The following LUC7L2 variants were observed in gnomAD, a reference collection of about 807,000 sequenced individuals.
The protein encoded by LUC7L2 is putative RNA-binding protein Luc7-like 2.
In LUC7L2, 25 loss-of-function variants were observed where a neutral mutation model predicts 52.8. The ratio of observed to expected loss-of-function variants is 0.47; its 90% CI spans 0.34 to 0.66. The LOEUF is 0.66. LUC7L2 is among the 30% of genes least tolerant of loss of function. LUC7L2 has a pLI of 0.01. For synonymous variants in LUC7L2, 144 were observed against 160.9 expected (o/e 0.89, Z 0.80); for missense variants, 328 against 497.8 (o/e 0.66, Z 3.25).
chr7:139,381,534 C>T (rs1180871691), intron 2 of LUC7L2, among the ~76,000 whole-genome samples: 3 of 151,472 alleles, frequency 2.0e-5, no homozygotes, highest in Non-Finnish European at 4.4e-5. Flanking sequence ...CTCAGCCTCC[C>T]GAGTAGCTGG....
chr7:139,385,394 C>A (rs1794149802), intron 2 of LUC7L2, among the ~76,000 whole-genome samples: 1 of 149,574 alleles, frequency 6.7e-6, no homozygotes, highest in African/African-American at 2.5e-5. Flanking sequence ...ATAATCGTAG[C>A]CAGTGCAGTC....
upstream of LUC7L2, among the ~76,000 whole-genome samples, chr7:139,355,310 G>A (rs571080881): frequency 6.6e-6 from 1 of 151,880 alleles, no homozygotes; most frequent in African/African-American, 2.4e-5. Flanking sequence ...AGGAAGACAG[G>A]ATTATATCCT....
chr7:139,418,410 G>C (rs868435144), intron 9 of LUC7L2, among the ~76,000 whole-genome samples: 2 of 152,216 alleles, frequency 1.3e-5, no homozygotes, highest in African/African-American at 4.8e-5. Flanking sequence ...CAGGTCACAT[G>C]ATGGCCCTTA....
At chr7:139,362,619 G>C (rs2131180942) in intron 1 of LUC7L2, among the ~76,000 whole-genome samples, 1 of 135,734 alleles carries the variant, frequency 7.4e-6, no homozygotes, top group East Asian at 2.1e-4. Context: ...AGGCAACTCT[G>C]TCCTTTTTTT....
chr7:139,422,026 C>T, intron 9 of LUC7L2, 137 bp from the exon 10 acceptor site: 3 of 1,348,768 alleles, frequency 2.2e-6, no homozygotes, highest in Non-Finnish European at 2.9e-6. Flanking sequence ...TGTAATTTGT[C>T]AGAAAACTGA....
chr7:139,410,162 C>T (rs1328873366), intron 7 of LUC7L2, among the ~76,000 whole-genome samples: 2 of 151,272 alleles, frequency 1.3e-5, no homozygotes, highest in African/African-American at 2.4e-5. Context: ...GAGCTGAGAT[C>T]GGGCCACTGC....
intron 2 of LUC7L2, among the ~76,000 whole-genome samples, chr7:139,387,633 C>CA (rs1201171979): frequency 6.6e-6 from 1 of 152,140 alleles, no homozygotes; most frequent in African/African-American, 2.4e-5. Context: ...ATCAACTTGC[C>CA]ATTTTGTTCC....
intron 1 of LUC7L2, among the ~76,000 whole-genome samples, chr7:139,368,279 T>C (rs1396998408): frequency 6.6e-6 from 1 of 152,172 alleles, no homozygotes; most frequent in East Asian, 1.9e-4. Flanking sequence ...AAAAATCTAA[T>C]GGGAATGAAG....
chr7:139,376,356 A>C (rs1028828650), intron 2 of LUC7L2, among the ~76,000 whole-genome samples, 200 bp downstream of exon 2: 1 of 152,180 alleles, frequency 6.6e-6, no homozygotes, highest in Non-Finnish European at 1.5e-5. Context: ...TTGTTTTATA[A>C]TTTTTTCCAT....
chr7:139,382,668 C>T (rs1801098485), intron 2 of LUC7L2, among the ~76,000 whole-genome samples: 1 of 152,182 alleles, frequency 6.6e-6, no homozygotes, highest in Admixed American at 6.5e-5. Context: ...GCTGGGATTA[C>T]AGGAATTTGG....
intron 6 of LUC7L2, among the ~76,000 whole-genome samples, chr7:139,408,436 G>A (rs1004092682): frequency 6.6e-6 from 1 of 152,012 alleles, no homozygotes; most frequent in African/African-American, 2.4e-5. Context: ...GAAATCACAG[G>A]GCATGGGAAC....
chr7:139,347,219 A>G (rs1288859651), intron 1 of LUC7L2, among the ~76,000 whole-genome samples: 1 of 152,196 alleles, frequency 6.6e-6, no homozygotes, highest in Non-Finnish European at 1.5e-5. Context: ...TGACTTACAC[A>G]TTGCATGTAT....
At chr7:139,384,267 C>T (rs1190142271) in intron 2 of LUC7L2, among the ~76,000 whole-genome samples, 1 of 151,966 alleles carries the variant, frequency 6.6e-6, no homozygotes, top group African/African-American at 2.4e-5. Context: ...TGATTATTGG[C>T]TTGATATTTA....
At chr7:139,376,724 G>T (rs759209179) in intron 2 of LUC7L2, among the ~76,000 whole-genome samples, 1 of 152,156 alleles carries the variant, frequency 6.6e-6, no homozygotes, top group Non-Finnish European at 1.5e-5. Flanking sequence ...CATGATGATG[G>T]ACCTGTTGGA....
intron 2 of LUC7L2, among the ~76,000 whole-genome samples, chr7:139,380,424 C>T (rs1402180769): frequency 4.0e-5 from 6 of 151,806 alleles, no homozygotes; most frequent in Non-Finnish European, 8.8e-5. Context: ...ATGTTGAAAT[C>T]CTGTCTCTGC....
intron 3 of LUC7L2, among the ~76,000 whole-genome samples, chr7:139,401,397 G>A (rs970015748): frequency 1.3e-5 from 2 of 152,088 alleles, no homozygotes; most frequent in Admixed American, 1.3e-4. Context: ...GGATCTTACT[G>A]CATAACATTT....
chr7:139,367,096 C>T (rs1005149548), intron 1 of LUC7L2, among the ~76,000 whole-genome samples: 2 of 152,048 alleles, frequency 1.3e-5, no homozygotes, highest in Non-Finnish European at 1.5e-5. Flanking sequence ...CCTAGCTTCC[C>T]GAGTGGCTGA....
intron 9 of LUC7L2, among the ~76,000 whole-genome samples, chr7:139,420,190 G>A (rs1355008365): frequency 6.6e-6 from 1 of 152,098 alleles, no homozygotes; most frequent in African/African-American, 2.4e-5. Flanking sequence ...TGGGTTCATT[G>A]GTTTAGGCTA....
intron 8 of LUC7L2, chr7:139,416,947 CAT>C (rs1795649725): frequency 6.6e-6 from 1 of 152,316 alleles, no homozygotes; most frequent in African/African-American, 2.4e-5. Context: ...TAGCCCCTGG[CAT>C]ATAGTAGTGG....
Sources: gnomAD v4.1 joint callset for allele counts (sites outside exome capture counted in the v4.1 genomes callset) on GRCh38, gnomAD v4.1.1 for gene constraint, MANE v1.5 for transcripts, NCBI Gene and HGNC (gene_info 2026-07-23, HGNC 2026-07-21) for gene names.